The following ITPR2 variants were observed in gnomAD, a reference collection of about 807,000 sequenced individuals.
ITPR2 encodes inositol 1,4,5-trisphosphate-gated calcium channel ITPR2.
A neutral mutation model predicts 317.1 loss-of-function variants in ITPR2; 207 were observed. That is an observed-to-expected ratio of 0.65 (90% confidence interval 0.58 to 0.73). The LOEUF is 0.73. Ranked by LOEUF, ITPR2 falls within the 30% of genes least tolerant of loss-of-function variation. The pLI is 0.00. For synonymous variants in ITPR2, 1,156 were observed against 1,149.1 expected, an observed-to-expected ratio of 1.01 and a Z score of -0.12; for missense variants, 2,613 against 3,284.0, an observed-to-expected ratio of 0.80 and a Z score of 4.99.
intron 23 of ITPR2, among the ~76,000 whole-genome samples, 160 bp downstream of exon 23, chr12:26,627,873 T>C (rs571121992): frequency 1.3e-5 from 2 of 152,280 alleles, no homozygotes; most frequent in Admixed American, 1.3e-4. Context: ...TATACCTATG[T>C]AACAAATCTG....
At chr12:26,508,286 C>T (rs1158193638) in intron 37 of ITPR2, among the ~76,000 whole-genome samples, 1 of 152,046 alleles carries the variant, frequency 6.6e-6, no homozygotes, top group African/African-American at 2.4e-5. Flanking sequence ...AAAATAAGTA[C>T]ACCTTTTAAT....
Position 26,516,267 on chromosome 12 carries a change from GA to G in ITPR2, c.5074-21008del, listed in dbSNP as rs1425156650. On this transcript the variant is annotated intron_variant, in intron 37 of 56. Coordinates refer to ENST00000381340, the MANE Select transcript of ITPR2 (RefSeq NM_002223.4). The stretch of plus-strand genomic sequence containing the variant: ...GAAAGGAAAGGAAAGGAAAGGAAAG[GA>G]AAGGAAGGGAAGGGAAGGGAAAGGA... Among the ~76,000 whole-genome samples, 45 of 49,352 alleles carry G rather than the reference GA, an allele frequency of 9.1e-4. 3 individuals are homozygous for G. The highest frequency in any genetic ancestry group is 3.8e-3 in the South Asian group (4 of 1,060). 32.4% of individuals were successfully genotyped at this position (49,352 alleles called of 152,430 possible).
At chr12:26,648,683 G>A (rs1041403181) in intron 21 of ITPR2, 4 of 151,754 alleles carry the variant, frequency 2.6e-5, no homozygotes, top group East Asian at 3.9e-4. Flanking sequence ...ACAGAGTATT[G>A]TAATGTGGTA....
intron 37 of ITPR2, among the ~76,000 whole-genome samples, chr12:26,528,645 C>G (rs1943868575): frequency 6.6e-6 from 1 of 152,132 alleles, no homozygotes; most frequent in African/African-American, 2.4e-5. Context: ...CTACATTTTC[C>G]CTTTTGATAT....
At chr12:26,818,092 A>G (rs1950888565) in intron 1 of ITPR2, among the ~76,000 whole-genome samples, 1 of 152,262 alleles carries the variant, frequency 6.6e-6, no homozygotes, top group Non-Finnish European at 1.5e-5. Context: ...TCAATTAAAT[A>G]TGTTTAAAAC....
At chr12:26,501,942 A>T (rs148679431) in intron 37 of ITPR2, among the ~76,000 whole-genome samples, 2 of 152,344 alleles carry the variant, frequency 1.3e-5, no homozygotes, top group African/African-American at 4.8e-5. Context: ...ATGTTTAAAC[A>T]GTAAATGATG....
chr12:26,428,165 T>C (rs1441171102), intron 48 of ITPR2, 77 bp from the exon 49 acceptor site: 3 of 1,097,026 alleles, frequency 2.7e-6, no homozygotes, highest in African/African-American at 3.2e-5. Context: ...CTCTACTTTA[T>C]ATGGTATCAT....
chr12:26,715,337 T>C lies in ITPR2; in HGVS notation c.817A>G (p.Thr273Ala), dbSNP rs1192539025. Residue 273 changes from threonine (T) to alanine (A), a missense_variant, in exon 8 of 57, where the codon ACT (threonine) becomes GCT (alanine). Around this residue, in one of 9 missense-constraint regions of ITPR2, gnomAD observed 515 missense variants for 789.4 expected, o/e 0.65. Transcript: ENST00000381340. Reference sequence around the variant, plus strand: ...AGTGCTTTAGAACTAGTAGCAGAAGTAGCTGATTGGCGCAAGGTCGTACGA... The same window carrying C: ...AGTGCTTTAGAACTAGTAGCAGAAGCAGCTGATTGGCGCAAGGTCGTACGA... Reference protein sequence around the residue: ...FLRTTLRQSATSATSSKALWE... With the variant: ...FLRTTLRQSAASATSSKALWE... 1.9e-6 allele frequency: 3 copies of C among 1,613,718 alleles called. No individual in the cohort carries two copies. Among genetic ancestry groups the C allele is most frequent in the Non-Finnish European group, 2.5e-6 (3 of 1,179,718 alleles).
At chr12:26,586,241 C>T (rs553257642) in intron 32 of ITPR2, among the ~76,000 whole-genome samples, 8 of 152,030 alleles carry the variant, frequency 5.3e-5, no homozygotes, top group African/African-American at 1.9e-4. Flanking sequence ...AACTCCTGGG[C>T]TCAGGGGATC....
At chr12:26,664,596 C>T (rs955768207) in intron 14 of ITPR2, among the ~76,000 whole-genome samples, 1 of 152,096 alleles carries the variant, frequency 6.6e-6, no homozygotes, top group African/African-American at 2.4e-5. Context: ...AACATTAATA[C>T]ATGAAAACAA....
At chr12:26,425,907 A>G (rs947417387) in intron 49 of ITPR2, among the ~76,000 whole-genome samples, 3 of 152,228 alleles carry the variant, frequency 2.0e-5, no homozygotes, top group Admixed American at 6.5e-5. Context: ...AACCAGGCAA[A>G]AGCTATCTTC....
rs548461641 is a variant in ITPR2, at chr12:26,597,136, T to C, written c.4003-2A>G. The C allele has an allele frequency of 9.3e-6, 15 of 1,613,502 alleles. No homozygotes were observed. The highest frequency in any genetic ancestry group is 1.3e-5 in the Non-Finnish European group (15 of 1,179,872). Reference sequence around the variant, plus strand: ...CACGTCTTCACCCCCATTTATCAACTGAAATGATAATAAGAGAGTCTATGT... The same window carrying C: ...CACGTCTTCACCCCCATTTATCAACCGAAATGATAATAAGAGAGTCTATGT... On this transcript the variant is annotated splice_acceptor_variant, in intron 30 of 56. Transcript: ENST00000381340. LOFTEE classifies it high-confidence loss of function.
At chr12:26,559,263 A>G (rs1409411218) in intron 35 of ITPR2, among the ~76,000 whole-genome samples, 1 of 152,234 alleles carries the variant, frequency 6.6e-6, no homozygotes, top group Non-Finnish European at 1.5e-5. Context: ...CATCACACAT[A>G]GAATACAATT....
At chr12:26,631,802 G>T (rs984701123) in intron 22 of ITPR2, 64 bp downstream of exon 22, 1 of 1,398,140 alleles carries the variant, frequency 7.2e-7, no homozygotes, top group African/African-American at 1.4e-5. Flanking sequence ...AACAAAAAGG[G>T]TAAGAAGTTA....
At chr12:26,678,412 CAG>C (rs34253560) in intron 13 of ITPR2, among the ~76,000 whole-genome samples, 106 of 149,224 alleles carry the variant, frequency 7.1e-4, no homozygotes, top group African/African-American at 8.6e-4. Flanking sequence ...AAAGGGAAGA[CAG>C]AGAGAGAGAG....
intron 37 of ITPR2, among the ~76,000 whole-genome samples, chr12:26,517,375 A>G (rs1479475884): frequency 6.6e-6 from 1 of 152,238 alleles, no homozygotes; most frequent in African/African-American, 2.4e-5. Context: ...ACCCCATTGA[A>G]AAATGGCCAA....
At chr12:26,422,330 CTATT>C (rs976254085) in intron 49 of ITPR2, among the ~76,000 whole-genome samples, 5 of 132,312 alleles carry the variant, frequency 3.8e-5, no homozygotes, top group Non-Finnish European at 3.5e-5. Flanking sequence ...AATAATTTAA[CTATT>C]TAATTAGATA....
intron 21 of ITPR2, among the ~76,000 whole-genome samples, chr12:26,648,492 T>C (rs1057164361): frequency 1.3e-5 from 2 of 151,226 alleles, no homozygotes; most frequent in African/African-American, 2.4e-5. Context: ...CTAGCAACAA[T>C]GTTTATAAAA....
At chr12:26,818,698 CTT>C (rs201061481) in intron 1 of ITPR2, among the ~76,000 whole-genome samples, 1 of 146,066 alleles carries the variant, frequency 6.8e-6, no homozygotes, top group African/African-American at 2.5e-5. Context: ...AACAAAATTC[CTT>C]TTTTTTTTTA....
Sources: gnomAD v4.1 joint callset for allele counts (sites outside exome capture counted in the v4.1 genomes callset) on GRCh38, gnomAD v4.1.1 for gene constraint, gnomAD v4.1.1 regional missense constraint, MANE v1.5 for transcripts, NCBI Gene and HGNC (gene_info 2026-07-23, HGNC 2026-07-21) for gene names.